Variants in ENOX2 observed in about 807,000 individuals in gnomAD.
The protein encoded by ENOX2 is APK1 antigen.
Under a neutral mutation model 45.0 loss-of-function variants are expected in ENOX2, and 36 were observed. The ratio of observed to expected loss-of-function variants is 0.80; its 90% CI spans 0.61 to 1.06. The LOEUF is 1.06. Among genes scored for constraint, ENOX2 ranks in the 50% least tolerant of loss-of-function variants. The probability of loss-of-function intolerance (pLI) is 0.00; values close to 1 mark genes in which losing one functional copy is unlikely to be tolerated. For synonymous variants in ENOX2, 174 were observed against 152.3 expected (o/e 1.14, Z -1.05); for missense variants, 423 against 462.5 (o/e 0.91, Z 0.78).
intron 3 of ENOX2, among the ~76,000 whole-genome samples, chrX:130,725,969 C>T (rs1603328455): frequency 8.9e-6 from 1 of 112,036 alleles, no homozygotes; most frequent in Admixed American, 9.4e-5. Context: ...AAGTCAAATC[C>T]TAGATTCTTG....
intron 2 of ENOX2, among the ~76,000 whole-genome samples, chrX:130,876,101 G>GTA (rs201214492): frequency 1.8e-5 from 2 of 111,352 alleles, no homozygotes; most frequent in East Asian, 5.7e-4. Flanking sequence ...ATACGCCTAG[G>GTA]TATATATATA....
At chrX:130,720,438 T>C (rs888387566) in intron 3 of ENOX2, among the ~76,000 whole-genome samples, 1 of 112,136 alleles carries the variant, frequency 8.9e-6, no homozygotes, top group African/African-American at 3.2e-5. Flanking sequence ...GCAGCACCTA[T>C]GGAATGCAAT....
intron 2 of ENOX2, among the ~76,000 whole-genome samples, chrX:130,821,906 AAAC>A (rs2077620304): frequency 9.4e-6 from 1 of 106,139 alleles, no homozygotes; most frequent in Non-Finnish European, 1.9e-5. Flanking sequence ...TTTCTACAAA[AAAC>A]AAAAAAAATT....
At chrX:130,681,356 T>C (rs976365439) in intron 5 of ENOX2, among the ~76,000 whole-genome samples, 1 of 112,255 alleles carries the variant, frequency 8.9e-6, no homozygotes, top group African/African-American at 3.2e-5. Context: ...GTGGGTCTGA[T>C]TTATTTAATT....
chrX:130,757,494 C>T (rs1217160478), intron 3 of ENOX2, among the ~76,000 whole-genome samples: 1 of 111,241 alleles, frequency 9.0e-6, no homozygotes, highest in African/African-American at 3.3e-5. Flanking sequence ...TTTAAGATGA[C>T]CAGGGAGGAA....
At chrX:130,680,885 C>T (rs145160975) in intron 5 of ENOX2, among the ~76,000 whole-genome samples, 1,228 of 112,289 alleles carry the variant, frequency 0.011, 15 homozygotes, top group African/African-American at 0.038. Context: ...TGGGAGCCTC[C>T]TTGGGTATCA....
intron 3 of ENOX2, among the ~76,000 whole-genome samples, chrX:130,751,506 A>G (rs1324411225): frequency 8.9e-6 from 1 of 112,100 alleles, no homozygotes; most frequent in Non-Finnish European, 1.9e-5. Context: ...AGCTGCTATG[A>G]ACATATGCAG....
intron 3 of ENOX2, among the ~76,000 whole-genome samples, chrX:130,735,122 G>A (rs2038828909): frequency 8.9e-6 from 1 of 112,353 alleles, no homozygotes; most frequent in Non-Finnish European, 1.9e-5. Flanking sequence ...AGGCATGGAG[G>A]AGAATCTTGG....
chrX:130,688,851 G>T lies in ENOX2; in HGVS notation c.253+12C>A, dbSNP rs985142387. On this transcript the variant is annotated intron_variant, in intron 5 of 14. Coordinates refer to ENST00000394363, the MANE Select transcript of ENOX2 (RefSeq NM_006375.4). ...TATTGTGTCTTGTGTGGAGAAAAAA[G>T]CAGAATATTACTTGGATTTGGAGGG... The T allele has an allele frequency of 8.1e-5, 95 of 1,171,340 alleles. No homozygotes were observed. Among genetic ancestry groups the T allele is most frequent in the Non-Finnish European group, 9.4e-5 (82 of 868,573 alleles).
chrX:130,742,814 C>G (rs1410973754), intron 3 of ENOX2, among the ~76,000 whole-genome samples: 6 of 112,192 alleles, frequency 5.3e-5, no homozygotes, highest in Non-Finnish European at 9.4e-5. Context: ...ATACACTACA[C>G]TGCTAGCCAC....
intron 2 of ENOX2, among the ~76,000 whole-genome samples, chrX:130,868,620 A>C (rs2078525439): frequency 8.9e-6 from 1 of 111,783 alleles, no homozygotes; most frequent in Admixed American, 9.5e-5. Flanking sequence ...TATTGGGCTC[A>C]GACCATTTCT....
At chrX:130,743,395 G>A (rs1464499036) in intron 3 of ENOX2, among the ~76,000 whole-genome samples, 1 of 111,558 alleles carries the variant, frequency 9.0e-6, no homozygotes, top group Non-Finnish European at 1.9e-5. Flanking sequence ...TGTTGTGATG[G>A]GCAAATAACA....
At chrX:130,672,225 G>GA (rs1281898219) in intron 6 of ENOX2, among the ~76,000 whole-genome samples, 2 of 111,852 alleles carry the variant, frequency 1.8e-5, no homozygotes, top group African/African-American at 3.3e-5. Context: ...TGCTGCATAA[G>GA]AAAAAAATTA....
chrX:130,760,871 A>C (rs1469602260), intron 3 of ENOX2, among the ~76,000 whole-genome samples: 2 of 103,037 alleles, frequency 1.9e-5, no homozygotes, highest in Non-Finnish European at 3.9e-5. Context: ...TTTTTTTTTA[A>C]ATCATGGATG....
intron 4 of ENOX2, among the ~76,000 whole-genome samples, chrX:130,696,750 C>T (rs1234654440): frequency 1.8e-5 from 2 of 110,058 alleles, no homozygotes; most frequent in Non-Finnish European, 3.8e-5. Context: ...ACTAGAATGT[C>T]ACACACACAC....
intron 2 of ENOX2, among the ~76,000 whole-genome samples, chrX:130,785,442 G>A (rs1416100631): frequency 3.6e-5 from 4 of 111,099 alleles, no homozygotes; most frequent in Non-Finnish European, 7.5e-5. Flanking sequence ...GATTCCACTT[G>A]GATCACCTCC....
intron 3 of ENOX2, among the ~76,000 whole-genome samples, chrX:130,738,927 C>T (rs1472337275): frequency 8.9e-5 from 10 of 111,831 alleles, no homozygotes; most frequent in Non-Finnish European, 1.7e-4. Flanking sequence ...GTGTCCACAT[C>T]GGTCAATTTT....
chrX:130,707,507 T>TACACACAC (rs10536173), intron 3 of ENOX2, among the ~76,000 whole-genome samples: 43 of 97,394 alleles, frequency 4.4e-4, no homozygotes, highest in African/African-American at 1.5e-3. Context: ...TTTTGAAGAC[T>TACACACAC]ACACACACAC....
Position 130,837,165 on chromosome X carries a change from C to A in ENOX2, c.-182-53475G>T, listed in dbSNP as rs138909382. 6.9e-3 allele frequency among the ~76,000 whole-genome samples: 777 copies of A among 112,352 alleles called. 5 individuals carry two copies. The highest frequency in any genetic ancestry group is 0.024 in the African/African-American group (734 of 30,928). ...ATTACAATGAGAAACCAGAACCTTA[C>A]AGACTAATCAATTTTCATTAATGGA... is the stretch of plus-strand genomic sequence containing the variant. On this transcript the variant is annotated intron_variant, in intron 2 of 14. Transcript: ENST00000394363.
Sources: gnomAD v4.1 joint callset for allele counts (sites outside exome capture counted in the v4.1 genomes callset) on GRCh38, gnomAD v4.1.1 for gene constraint, MANE v1.5 for transcripts, NCBI Gene and HGNC (gene_info 2026-07-23, HGNC 2026-07-21) for gene names.